The following DPP6 variants were observed in gnomAD, a reference collection of about 807,000 sequenced individuals.
DPP6 encodes the protein dipeptidyl peptidase like 6.
In DPP6, 69 loss-of-function variants were observed where a neutral mutation model predicts 122.6. The observed-to-expected ratio is 0.56, with a 90% CI of 0.46 to 0.69. DPP6 has a LOEUF of 0.69. Among genes scored for constraint, DPP6 ranks in the 30% least tolerant of loss-of-function variants. The pLI, the probability that DPP6 is intolerant of heterozygous loss-of-function variation, is 0.00. For missense variants in DPP6, 928 were observed against 1,116.9 expected, an observed-to-expected ratio of 0.83 and a Z score of 2.41; for synonymous variants, 418 against 433.1, an observed-to-expected ratio of 0.97 and a Z score of 0.43.
chr7:154,395,042 A>G (rs923846781), intron 1 of DPP6, among the ~76,000 whole-genome samples: 1 of 152,298 alleles, frequency 6.6e-6, no homozygotes, highest in East Asian at 1.9e-4. Flanking sequence ...TCTAAACAAC[A>G]GACATTTATT....
intron 16 of DPP6, among the ~76,000 whole-genome samples, chr7:154,826,576 T>A (rs1196967914): frequency 6.6e-6 from 1 of 152,240 alleles, no homozygotes; most frequent in African/African-American, 2.4e-5. Context: ...GGTTTCTATG[T>A]GCTAGAGCTA....
At chr7:153,748,440 GCCCTGGAGC>G in the DPP6 span, among the ~76,000 whole-genome samples, 1 of 12 alleles carries the variant, frequency 0.083, no homozygotes, top group Non-Finnish European at 0.17. Context: ...GGAAAGATCC[GCCCTGGAGC>G]GAGCGCGCAC....
At chr7:154,675,062 G>A (rs1278720988) in intron 7 of DPP6, among the ~76,000 whole-genome samples, 2 of 152,188 alleles carry the variant, frequency 1.3e-5, no homozygotes, top group Non-Finnish European at 2.9e-5. Context: ...TCCACAGAAG[G>A]TCACAGAATA....
chr7:154,768,041 A>G (rs1309318629), intron 8 of DPP6, among the ~76,000 whole-genome samples: 1 of 152,120 alleles, frequency 6.6e-6, no homozygotes, highest in African/African-American at 2.4e-5. Flanking sequence ...GGCACATCAC[A>G]CCCTCAGCCC....
chr7:154,253,690 G>T (rs564508069), intron 1 of DPP6, among the ~76,000 whole-genome samples: 217 of 152,296 alleles, frequency 1.4e-3, no homozygotes, highest in African/African-American at 5.1e-3. Context: ...TAATGATAAT[G>T]TGCTCTCTAG....
intron 6 of DPP6, among the ~76,000 whole-genome samples, chr7:154,641,599 G>A (rs1836094385): frequency 6.6e-6 from 1 of 152,030 alleles, no homozygotes; most frequent in South Asian, 2.1e-4. Flanking sequence ...CTATATTTAT[G>A]TCTATTATCT....
At chr7:154,309,505 G>A (rs28696961) in intron 1 of DPP6, among the ~76,000 whole-genome samples, 8,768 of 152,216 alleles carry the variant, frequency 0.058, 396 homozygotes, top group African/African-American at 0.13. Flanking sequence ...GAGAGGTTAG[G>A]TGGCCTCCCG....
chr7:154,365,316 A>G (rs1251016391), intron 1 of DPP6, among the ~76,000 whole-genome samples: 1 of 152,236 alleles, frequency 6.6e-6, no homozygotes, highest in African/African-American at 2.4e-5. Flanking sequence ...CACTAGAACC[A>G]ATTTTAATGA....
At chr7:154,758,771 T>A (rs554278413) in intron 8 of DPP6, among the ~76,000 whole-genome samples, 1 of 152,332 alleles carries the variant, frequency 6.6e-6, no homozygotes, top group African/African-American at 2.4e-5. Context: ...TTGTTTTGTT[T>A]GTAAGAAGGG....
intron 1 of DPP6, among the ~76,000 whole-genome samples, chr7:154,238,756 C>A (rs774985051): frequency 6.6e-6 from 1 of 152,194 alleles, no homozygotes; most frequent in Non-Finnish European, 1.5e-5. Context: ...TAAAACTATT[C>A]TCTCTTGATC....
intron 1 of DPP6, among the ~76,000 whole-genome samples, chr7:154,398,634 G>A (rs1206315245): frequency 6.7e-6 from 1 of 150,352 alleles, no homozygotes; most frequent in Non-Finnish European, 1.5e-5. Flanking sequence ...CTCTCTCCTG[G>A]TTATGCTGTT....
intron 1 of DPP6, among the ~76,000 whole-genome samples, chr7:154,400,026 G>A (rs972573959): frequency 2.0e-5 from 3 of 152,182 alleles, no homozygotes; most frequent in African/African-American, 4.8e-5. Context: ...GTGCAGGTGT[G>A]TGTGGGAGGA....
At chr7:153,964,979 C>T (rs1415648734) in intron 1 of DPP6, among the ~76,000 whole-genome samples, 45 of 60,228 alleles carry the variant, frequency 7.5e-4, no homozygotes, top group African/African-American at 6.5e-3. Context: ...ATTTCTTTTC[C>T]CTTCCTTCCT....
chr7:154,382,623 T>C (rs1438798823), intron 1 of DPP6, among the ~76,000 whole-genome samples: 1 of 152,264 alleles, frequency 6.6e-6, no homozygotes, highest in East Asian at 1.9e-4. Context: ...TCATGTGTTT[T>C]TTCTCCTTTA....
chr7:154,599,405 G>A (rs985498941), intron 5 of DPP6, among the ~76,000 whole-genome samples: 2 of 152,090 alleles, frequency 1.3e-5, no homozygotes, highest in African/African-American at 2.4e-5. Flanking sequence ...TGGAGAAAAC[G>A]TGGCTCAGGT....
At chr7:153,810,668 T>TC in the DPP6 span, among the ~76,000 whole-genome samples, 1 of 131,866 alleles carries the variant, frequency 7.6e-6, no homozygotes, top group African/African-American at 2.9e-5. Flanking sequence ...CTCCTCTCTC[T>TC]CTCCTCTCTC....
chr7:154,495,354 A>G (rs975059988), intron 3 of DPP6, among the ~76,000 whole-genome samples: 7 of 147,260 alleles, frequency 4.8e-5, no homozygotes, highest in Admixed American at 1.4e-4. Context: ...GGAGAAAGAC[A>G]TGTATATGTG....
chr7:153,867,628 TG>T, the DPP6 span, among the ~76,000 whole-genome samples: 1 of 152,230 alleles, frequency 6.6e-6, no homozygotes, highest in African/African-American at 2.4e-5. Context: ...TTTTCCTAAT[TG>T]AATACCCTTT....
intron 1 of DPP6, among the ~76,000 whole-genome samples, chr7:154,424,195 C>G (rs1052556183): frequency 7.2e-5 from 11 of 152,194 alleles, no homozygotes; most frequent in African/African-American, 2.7e-4. Flanking sequence ...ATATTTGTTG[C>G]AGATTAGGGT....
Sources: gnomAD v4.1 joint callset for allele counts (sites outside exome capture counted in the v4.1 genomes callset) on GRCh38, gnomAD v4.1.1 for gene constraint, MANE v1.5 for transcripts, NCBI Gene and HGNC (gene_info 2026-07-23, HGNC 2026-07-21) for gene names.